The following SHLD2 variants were observed in gnomAD, a reference collection of about 807,000 sequenced individuals.
SHLD2 encodes shieldin complex subunit 2.
Under a neutral mutation model 73.2 loss-of-function variants are expected in SHLD2, and 30 were observed. That is an observed-to-expected ratio of 0.41 (90% CI 0.31 to 0.56). The LOEUF is 0.56. Among genes scored for constraint, SHLD2 ranks in the 20% least tolerant of loss-of-function variants. The pLI is 0.28. For synonymous variants in SHLD2, 285 were observed against 370.1 expected (o/e 0.77, Z 2.64); for missense variants, 745 against 1,055.9 (o/e 0.71, Z 4.08).
chr10:87,130,998 T>G (rs1589503286), intron 2 of SHLD2, among the ~76,000 whole-genome samples: 2 of 152,044 alleles, frequency 1.3e-5, no homozygotes, highest in East Asian at 3.9e-4. Context: ...GCCTGGGATG[T>G]GGAGGTTGCA....
upstream of SHLD2, chr10:87,095,154 A>AGGGGAAGGTC (rs1222429491): frequency 4.5e-3 from 85 of 18,926 alleles, no homozygotes; most frequent in African/African-American, 0.02. Context: ...AGGGGCAGGG[A>AGGGGAAGGTC]GGGGAAGGTC....
chr10:87,140,436 GA>G (rs1845113167), intron 2 of SHLD2, among the ~76,000 whole-genome samples: 1 of 141,078 alleles, frequency 7.1e-6, no homozygotes, highest in Non-Finnish European at 1.6e-5. Context: ...AAAAAAAAAA[GA>G]AAAAAATAAG....
At chr10:87,178,062 C>T (rs11202371) in intron 7 of SHLD2, among the ~76,000 whole-genome samples, 5,563 of 151,436 alleles carry the variant, frequency 0.037, 333 homozygotes, top group African/African-American at 0.12. Context: ...GTGGTGAAAC[C>T]CTGCCTCTAC....
chr10:87,188,640 A>T (rs1173085894), intron 9 of SHLD2, among the ~76,000 whole-genome samples: 2 of 152,180 alleles, frequency 1.3e-5, no homozygotes, highest in African/African-American at 2.4e-5. Context: ...ATTTATTAAT[A>T]AAAATTAATC....
intron 4 of SHLD2, among the ~76,000 whole-genome samples, chr10:87,166,983 A>G (rs1265886567): frequency 7.1e-6 from 1 of 141,320 alleles, no homozygotes; most frequent in African/African-American, 2.6e-5. Flanking sequence ...GTGTGTGTGT[A>G]TAAATGATAG....
chr10:87,178,805 C>A (rs929013413), intron 7 of SHLD2, among the ~76,000 whole-genome samples: 1 of 152,186 alleles, frequency 6.6e-6, no homozygotes, highest in African/African-American at 2.4e-5. Flanking sequence ...GTTACATATT[C>A]GATCGCTACA....
chr10:87,128,927 C>T (rs3117879), intron 2 of SHLD2, among the ~76,000 whole-genome samples: 48,073 of 151,638 alleles, frequency 0.32, 8,312 homozygotes, highest in East Asian at 0.74. Context: ...TTTTTTGAGA[C>T]GGAATCCCAC....
rs762955529 is a variant in SHLD2, at chr10:87,152,704, T to C, written c.1350T>C (p.Ser450=). ...QKYNCLVMVL[S]PCHVKEINIK... is the part of the protein sequence containing the mutation. ...ATAATTGTTTAGTCATGGTGCTATC[T>C]CCATGCCATGTGAAGGAAATAAACA... Residue 450 remains serine (S), a synonymous_variant, in exon 3 of 10, where the codon TCT becomes TCC. Transcript: ENST00000298786. 244 of 1,611,568 alleles carry C rather than the reference T, an allele frequency of 1.5e-4. No homozygotes were observed. Among genetic ancestry groups the C allele is most frequent in the Non-Finnish European group, 1.9e-4 (229 of 1,179,784 alleles).
At position 87,152,159 on chromosome 10, in the gene SHLD2, A is replaced by G. The variant is rs1231134831; in HGVS notation, c.805A>G (p.Asn269Asp). 6.2e-7 allele frequency: 1 copy of G among 1,611,264 alleles called. No individual in the cohort carries two copies. Among genetic ancestry groups the G allele is most frequent in the South Asian group, 1.1e-5 (1 of 90,932 alleles). ...AAGGCGGAGTCCTGTAAATAAAGGG[A>G]ATGTAAACATGGAGACTGAACCAAA... is the stretch of plus-strand genomic sequence containing the variant. ...DKRRSPVNKG[N>D]VNMETEPKAS... The change falls in exon 3 of 10, where the codon AAT becomes GAT. Residue 269 changes from asparagine to aspartate, a missense_variant. By Grantham distance (23) the Asn-to-Asp change is conservative. Around this residue, in one of 5 missense-constraint regions of SHLD2, gnomAD observed 280 missense variants for 353.9 expected, o/e 0.79. Coordinates refer to ENST00000298786, the MANE Select transcript of SHLD2 (RefSeq NM_001330112.2).
chr10:87,129,418 T>TA (rs1205288899), intron 2 of SHLD2, among the ~76,000 whole-genome samples: 1 of 152,152 alleles, frequency 6.6e-6, no homozygotes, highest in African/African-American at 2.4e-5. Flanking sequence ...TTAGGAAACT[T>TA]ACATTGTTTA....
chr10:87,120,673 T>A (rs1275405729), intron 2 of SHLD2, among the ~76,000 whole-genome samples: 3 of 152,214 alleles, frequency 2.0e-5, no homozygotes, highest in Non-Finnish European at 2.9e-5. Flanking sequence ...TTCTTCTTTC[T>A]CATTCCTTAA....
At chr10:87,161,400 G>A (rs1434896720) in intron 4 of SHLD2, among the ~76,000 whole-genome samples, 1 of 152,084 alleles carries the variant, frequency 6.6e-6, no homozygotes, top group Non-Finnish European at 1.5e-5. Flanking sequence ...AGCTGTGATT[G>A]CACCACTGTA....
At chr10:87,100,594 C>T (rs995067591) in intron 2 of SHLD2, among the ~76,000 whole-genome samples, 4 of 152,048 alleles carry the variant, frequency 2.6e-5, no homozygotes, top group Non-Finnish European at 5.9e-5. Context: ...TCTCCTGCTC[C>T]AGCCTCCTGA....
At chr10:87,168,407 A>G (rs1289418027) in intron 4 of SHLD2, among the ~76,000 whole-genome samples, 2 of 152,142 alleles carry the variant, frequency 1.3e-5, no homozygotes, top group Admixed American at 1.3e-4. Context: ...GACCAGCCTG[A>G]GCAAGGTGGC....
At chr10:87,134,554 A>G (rs1226701023) in intron 2 of SHLD2, among the ~76,000 whole-genome samples, 2 of 152,048 alleles carry the variant, frequency 1.3e-5, no homozygotes, top group Non-Finnish European at 2.9e-5. Flanking sequence ...ATGTTCACTG[A>G]ATGTTCAGGA....
intron 2 of SHLD2, among the ~76,000 whole-genome samples, chr10:87,107,902 T>A (rs951465895): frequency 6.6e-6 from 1 of 152,138 alleles, no homozygotes; most frequent in Admixed American, 6.6e-5. Flanking sequence ...TTTTTTGTTT[T>A]TTGAGGCAGT....
chr10:87,100,768 G>C (rs1258310852), intron 2 of SHLD2, among the ~76,000 whole-genome samples: 1 of 152,140 alleles, frequency 6.6e-6, no homozygotes, highest in Non-Finnish European at 1.5e-5. Context: ...ATGAGCCACT[G>C]TGCCAGGCCG....
At chr10:87,170,410 A>C in intron 4 of SHLD2, 68 bp from the exon 5 acceptor site, 1 of 1,142,764 alleles carries the variant, frequency 8.8e-7, no homozygotes, top group South Asian at 1.7e-5. Flanking sequence ...AGTTCTAAAA[A>C]ATATTATTTG....
At chr10:87,113,467 A>T (rs1382891502) in intron 2 of SHLD2, among the ~76,000 whole-genome samples, 1 of 152,238 alleles carries the variant, frequency 6.6e-6, no homozygotes, top group African/African-American at 2.4e-5. Context: ...GCCACGAAAG[A>T]TCACATATTG....
Sources: allele counts gnomAD v4.1 joint callset (sites outside exome capture counted in the v4.1 genomes callset), GRCh38; gene constraint gnomAD v4.1.1; regional missense constraint gnomAD v4.1.1; transcripts MANE v1.5; gene names NCBI Gene and HGNC (gene_info 2026-07-23, HGNC 2026-07-21).